The following GOLGA8H variants were observed in gnomAD, a reference collection of about 807,000 sequenced individuals.
The protein encoded by GOLGA8H is golgin A8 family member H, also known as golgin subfamily A member 8H.
GOLGA8H carries 47 observed loss-of-function variants against 82.7 expected under a neutral mutation model. The observed-to-expected ratio is 0.57, with a 90% CI of 0.45 to 0.73. The LOEUF (loss-of-function observed/expected upper bound fraction) is 0.73. Ranked by LOEUF, GOLGA8H falls within the 30% of genes least tolerant of loss-of-function variation. GOLGA8H has a pLI of 0.00. For missense variants in GOLGA8H, 372 were observed against 661.0 expected, an observed-to-expected ratio of 0.56 and a Z score of 4.79; for synonymous variants, 108 against 241.6, an observed-to-expected ratio of 0.45 and a Z score of 5.13.
At position 30,608,743 on chromosome 15, in the gene GOLGA8H, AG is replaced by A. The variant is rs2059967228; in HGVS notation, c.579del (p.Lys194ArgfsTer17). ...VLSNVMATQK[K>X]KANQLSSRSK... ...TCTAATGTCATGGCCACACAGAAGA[AG>A]AAGGCAAACCAGGTGAGTCCAACCA... On this transcript the variant is annotated frameshift_variant, in exon 8 of 19. Coordinates refer to ENST00000566740, the MANE Select transcript of GOLGA8H (RefSeq NM_001282490.2). LOFTEE classifies it high-confidence loss of function. 1 of 1,502,670 alleles carries A rather than the reference AG, an allele frequency of 6.7e-7. No homozygotes were observed. The highest frequency in any genetic ancestry group is 1.9e-5 in the Admixed American group (1 of 51,720). 93.1% of individuals were successfully genotyped at this position (1,502,670 alleles called of 1,614,324 possible).
At position 30,610,020 on chromosome 15, in the gene GOLGA8H, G is replaced by C. The variant is rs529193676; in HGVS notation, c.700G>C (p.Val234Leu). The stretch of plus-strand genomic sequence containing the variant: ...GCAGTTGAAGGAGTCATTTCAACAA[G>C]TCCAATTAGAAAGAGATGAGTGTGC... Reference protein sequence around the residue: ...LTQLKESFQQVQLERDECAEH... With the variant: ...LTQLKESFQQLQLERDECAEH... Residue 234 changes from valine to leucine, a missense_variant, in exon 10 of 19, where the codon GTC becomes CTC. Coordinates refer to ENST00000566740, the MANE Select transcript of GOLGA8H (RefSeq NM_001282490.2). The C allele has an allele frequency of 2.9e-4, 461 of 1,611,602 alleles. 3 individuals are homozygous for C. Among genetic ancestry groups the C allele is most frequent in the South Asian group, 2.7e-3 (247 of 91,000 alleles).
chr15:30,615,234 G>A lies in GOLGA8H; in HGVS notation c.*673G>A, dbSNP rs1364203046. 1.6e-4 allele frequency among the ~76,000 whole-genome samples: 24 copies of A among 151,972 alleles called. No homozygotes were observed. The highest frequency in any genetic ancestry group is 3.1e-4 in the Non-Finnish European group (21 of 67,924). On this transcript the variant is annotated 3_prime_UTR_variant, in exon 19 of 19. Transcript: ENST00000566740. ...TGGCCTCCTCTGGCAGGTACGTGCA[G>A]GATAGAGTGTGTTTCATCTGTTCCG...
chr15:30,609,000 C>T (rs1180648558), intron 8 of GOLGA8H, among the ~76,000 whole-genome samples: 1 of 131,784 alleles, frequency 7.6e-6, no homozygotes, highest in Non-Finnish European at 1.6e-5. Flanking sequence ...CTGCCCCGCC[C>T]TTACCTGGCT....
rs931920797 is a variant in GOLGA8H, at chr15:30,615,236, A to G, written c.*675A>G. On this transcript the variant is annotated 3_prime_UTR_variant, in exon 19 of 19. Coordinates refer to ENST00000566740, the MANE Select transcript of GOLGA8H (RefSeq NM_001282490.2). ...GCCTCCTCTGGCAGGTACGTGCAGG[A>G]TAGAGTGTGTTTCATCTGTTCCGGT... Among the ~76,000 whole-genome samples, 11 of 151,782 alleles carry G rather than the reference A, an allele frequency of 7.2e-5. No individual in the cohort carries two copies. Among genetic ancestry groups the G allele is most frequent in the Admixed American group, 3.3e-4 (5 of 15,226 alleles).
rs182908807 is a variant in GOLGA8H, at chr15:30,615,995, C to T, written c.*1434C>T. On this transcript the variant is annotated 3_prime_UTR_variant, in exon 19 of 19. Transcript: ENST00000566740. ...TGAATGTCAATGTATTATCAGGAAA[C>T]GTGTCTATACAATCACAGAGCTATA... 1.9e-4 allele frequency among the ~76,000 whole-genome samples: 29 copies of T among 151,758 alleles called. 1 individual carries two copies. The highest frequency in any genetic ancestry group is 1.7e-4 in the African/African-American group (7 of 41,374).
intron 15 of GOLGA8H, among the ~76,000 whole-genome samples, chr15:30,613,407 C>G (rs562859339): frequency 5.3e-4 from 50 of 93,512 alleles, no homozygotes; most frequent in Admixed American, 1.3e-3. Flanking sequence ...TGCCCCATTT[C>G]TTCTGTGTAT....
At chr15:30,606,979 T>C in intron 3 of GOLGA8H, 65 bp downstream of exon 3, 1 of 1,530,536 alleles carries the variant, frequency 6.5e-7, no homozygotes, top group Non-Finnish European at 8.8e-7. Flanking sequence ...CTCCTCCAGG[T>C]GGGACTGGGT....
At position 30,610,038 on chromosome 15, in the gene GOLGA8H, G is replaced by A. The variant is rs778474169; in HGVS notation, c.718G>A (p.Glu240Lys). 1 of 1,611,644 alleles carries A rather than the reference G, an allele frequency of 6.2e-7. No individual in the cohort carries two copies. The highest frequency in any genetic ancestry group is 1.3e-5 in the African/African-American group (1 of 74,724). ...SFQQVQLERD[E>K]CAEHLKGERA... ...TCAACAAGTCCAATTAGAAAGAGAT[G>A]AGTGTGCTGAACATCTAAAAGGAGA... The change falls in exon 10 of 19, where the codon GAG becomes AAG. Residue 240 changes from glutamate (E) to lysine (K), a missense_variant. Physicochemically the swap from Glu to Lys is moderately conservative, Grantham distance 56. Transcript: ENST00000566740.
chr15:30,613,073 G>T, intron 14 of GOLGA8H, 31 bp from the exon 15 acceptor site: 1 of 1,165,464 alleles, frequency 8.6e-7, no homozygotes, highest in East Asian at 2.4e-5. Context: ...TTGTTGGGTT[G>T]TCTGAAGACC....
intron 11 of GOLGA8H, 103 bp from the exon 12 acceptor site, chr15:30,610,663 C>A: frequency 3.2e-6 from 3 of 950,164 alleles, no homozygotes; most frequent in Non-Finnish European, 1.5e-6. Flanking sequence ...GAATCATTAG[C>A]AGTGAGGCCA....
intron 15 of GOLGA8H, 32 bp from the exon 16 acceptor site, chr15:30,613,738 G>A (rs201468080): frequency 3.4e-6 from 5 of 1,452,876 alleles, no homozygotes; most frequent in South Asian, 1.2e-5. Flanking sequence ...GCAGGTCGCT[G>A]CCGAGATGTG....
chr15:30,605,755 G>A (rs1474412439), intron 1 of GOLGA8H, 88 bp from the exon 2 acceptor site: 20 of 1,550,598 alleles, frequency 1.3e-5, no homozygotes, highest in East Asian at 2.4e-5. Context: ...CAGATGGTGT[G>A]TAAGTGTATT....
rs1342583029 is a variant in GOLGA8H, at chr15:30,616,031, G to A, written c.*1470G>A. ...AATCACAGAGCTATATTTTCTCACA[G>A]ACTTCTTTACAAAGTGAAATATGTT... On this transcript the variant is annotated 3_prime_UTR_variant, in exon 19 of 19. Transcript: ENST00000566740. 2.0e-5 allele frequency among the ~76,000 whole-genome samples: 3 copies of A among 151,840 alleles called. No individual in the cohort carries two copies. Among genetic ancestry groups the A allele is most frequent in the African/African-American group, 7.3e-5 (3 of 41,328 alleles).
rs2060094780 is a variant in GOLGA8H at position 30,615,545 on chromosome 15, ATTC to A, written c.*990_*992del. 6.7e-6 allele frequency among the ~76,000 whole-genome samples: 1 copy of A among 149,148 alleles called. No homozygotes were observed. Among genetic ancestry groups the A allele is most frequent in the African/African-American group, 2.5e-5 (1 of 40,216 alleles). The stretch of plus-strand genomic sequence containing the variant: ...AGTACACAAAAGGGCACTGGTTGGC[ATTC>A]TTCTTAATGTATTTAGTGAAGATCA... On this transcript the variant is annotated 3_prime_UTR_variant, in exon 19 of 19. Transcript: ENST00000566740.
intron 4 of GOLGA8H, 129 bp from the exon 5 acceptor site, chr15:30,607,901 T>A: frequency 1.3e-6 from 1 of 756,328 alleles, no homozygotes. Context: ...AGTTTACCGG[T>A]TCGTGTTCCC....
intron 9 of GOLGA8H, 41 bp from the exon 10 acceptor site, chr15:30,609,958 C>A (rs1046464965): frequency 6.2e-7 from 1 of 1,603,518 alleles, no homozygotes; most frequent in Non-Finnish European, 8.5e-7. Flanking sequence ...CAGGTGAGGA[C>A]CAGTGACAGC....
At chr15:30,605,771 A>C in intron 1 of GOLGA8H, 72 bp from the exon 2 acceptor site, 1 of 1,570,122 alleles carries the variant, frequency 6.4e-7, no homozygotes, top group South Asian at 1.1e-5. Flanking sequence ...GTATTTTGTA[A>C]AAACTGTAAA....
In GOLGA8H at chr15:30,610,349, G is replaced by C. The variant is rs2059999490; in HGVS notation, c.834G>C (p.Glu278Asp). 1 of 1,457,796 alleles carries C rather than the reference G, an allele frequency of 6.9e-7. No homozygotes were observed. Among genetic ancestry groups the C allele is most frequent in the East Asian group, 2.3e-5 (1 of 43,298 alleles). 90.3% of individuals were successfully genotyped at this position (1,457,796 alleles called of 1,614,324 possible). Residue 278 changes from glutamate to aspartate, a missense_variant, in exon 11 of 19, where the codon GAG becomes GAC. Transcript: ENST00000566740. ...AGCAGCAAGATATGCGTCGGGTAGA[G>C]AAGCTGGAGAGGAGCTTGTCCAAAC... Reference protein sequence around the residue: ...KEKQQDMRRVEKLERSLSKLK... With the variant: ...KEKQQDMRRVDKLERSLSKLK...
In GOLGA8H at chr15:30,608,730, G is replaced by A; in HGVS notation, c.565G>A (p.Ala189Thr). 10 of 1,510,464 alleles carry A rather than the reference G, an allele frequency of 6.6e-6. No homozygotes were observed. Among genetic ancestry groups the A allele is most frequent in the Non-Finnish European group, 8.9e-6 (10 of 1,118,646 alleles). 93.6% of individuals were successfully genotyped at this position (1,510,464 alleles called of 1,614,324 possible). A position where few individuals can be genotyped will look rare whatever the true frequency, so the allele number is the denominator to read the frequency against. ...ELESVLSNVM[A>T]TQKKKANQLS... ...AGAGAGTGTTCTCTCTAATGTCATG[G>A]CCACACAGAAGAAGAAGGCAAACCA... Residue 189 changes from alanine (A) to threonine (T), a missense_variant, in exon 8 of 19, where the codon GCC (alanine) becomes ACC (threonine). By Grantham distance (58) the Ala-to-Thr change is moderately conservative (BLOSUM62 0). Coordinates refer to ENST00000566740, the MANE Select transcript of GOLGA8H (RefSeq NM_001282490.2).
Sources: allele counts gnomAD v4.1 joint callset (sites outside exome capture counted in the v4.1 genomes callset), GRCh38; gene constraint gnomAD v4.1.1; transcripts MANE v1.5; gene names NCBI Gene and HGNC (gene_info 2026-07-23, HGNC 2026-07-21).